PCDH15: variants seen among roughly 807,000 people sequenced by gnomAD.
The protein encoded by PCDH15 is protocadherin related 15, also known as protocadherin-15.
PCDH15 carries 129 observed loss-of-function variants against 178.5 expected under a neutral mutation model. The ratio of observed to expected loss-of-function variants is 0.72; its 90% confidence interval spans 0.63 to 0.84. PCDH15 has a LOEUF of 0.84. PCDH15 is among the 40% of genes least tolerant of loss of function. The probability of loss-of-function intolerance (pLI) is 0.00; values close to 1 mark genes in which losing one functional copy is unlikely to be tolerated. For synonymous variants in PCDH15, 800 were observed against 732.0 expected (o/e 1.09, Z -1.50); for missense variants, 2,230 against 2,099.9 (o/e 1.06, Z -1.21).
intron 2 of PCDH15, among the ~76,000 whole-genome samples, chr10:55,070,594 C>A (rs1020177764): frequency 6.6e-6 from 1 of 151,988 alleles, no homozygotes; most frequent in African/African-American, 2.4e-5. Flanking sequence ...GTTGTAGATA[C>A]GTGGCGTTAT....
intron 2 of PCDH15, among the ~76,000 whole-genome samples, chr10:55,402,860 T>C (rs1838105023): frequency 1.3e-5 from 2 of 151,976 alleles, no homozygotes; most frequent in Non-Finnish European, 2.9e-5. Context: ...TGCTGAATCA[T>C]ATGGTAGTTC....
At chr10:54,116,424 G>C (rs575071933) in intron 15 of PCDH15, among the ~76,000 whole-genome samples, 3 of 152,218 alleles carry the variant, frequency 2.0e-5, no homozygotes, top group Admixed American at 2.0e-4. Context: ...GAAGGTTTAC[G>C]GGACCAAGAG....
intron 33 of PCDH15, chr10:53,818,407 T>C (rs2076140588): frequency 6.4e-6 from 1 of 156,208 alleles, no homozygotes; most frequent in Admixed American, 6.5e-5. Flanking sequence ...ATATGCTTTA[T>C]ACATGAAGAA....
At chr10:54,462,862 C>T (rs2077283887) in intron 3 of PCDH15, among the ~76,000 whole-genome samples, 2 of 151,730 alleles carry the variant, frequency 1.3e-5, no homozygotes, top group African/African-American at 2.4e-5. Flanking sequence ...TATATATCAA[C>T]TGCTGGGTTG....
chr10:54,475,432 C>T (rs879503966), intron 3 of PCDH15, among the ~76,000 whole-genome samples: 9 of 151,738 alleles, frequency 5.9e-5, no homozygotes, highest in South Asian at 2.1e-4. Context: ...TATAAAATTC[C>T]GATTACAATT....
intron 1 of PCDH15, among the ~76,000 whole-genome samples, chr10:54,714,676 G>A (rs2132407236): frequency 6.6e-6 from 1 of 152,152 alleles, no homozygotes; most frequent in South Asian, 2.1e-4. Context: ...TGGTCTTGAG[G>A]TTTGGGAAGT....
chr10:55,263,999 G>T (rs999124821), intron 1 of PCDH15, among the ~76,000 whole-genome samples: 1 of 152,046 alleles, frequency 6.6e-6, no homozygotes, highest in African/African-American at 2.4e-5. Flanking sequence ...CTCCCAAAGT[G>T]CTGGGATTAC....
At chr10:54,624,456 C>A (rs566496594) in intron 2 of PCDH15, among the ~76,000 whole-genome samples, 1 of 152,280 alleles carries the variant, frequency 6.6e-6, no homozygotes, top group East Asian at 1.9e-4. Flanking sequence ...TTAAAAATAG[C>A]AAGACAGATC....
chr10:54,691,820 G>C (rs1433445599), intron 1 of PCDH15, among the ~76,000 whole-genome samples: 1 of 152,002 alleles, frequency 6.6e-6, no homozygotes, highest in African/African-American at 2.4e-5. Flanking sequence ...TGCTTACGGA[G>C]TTTAACACAC....
At chr10:55,534,574 T>A (rs1481304224) in intron 2 of PCDH15, among the ~76,000 whole-genome samples, 2 of 151,968 alleles carry the variant, frequency 1.3e-5, no homozygotes, top group African/African-American at 4.8e-5. Flanking sequence ...AAGAAACAGA[T>A]CCTGGCAATG....
chr10:55,276,241 A>G (rs1433591589), intron 1 of PCDH15, among the ~76,000 whole-genome samples: 1 of 150,974 alleles, frequency 6.6e-6, no homozygotes, highest in Non-Finnish European at 1.5e-5. Flanking sequence ...ATTCTCTAAT[A>G]TAATACGAAA....
chr10:54,216,708 T>C (rs4935104), intron 9 of PCDH15, among the ~76,000 whole-genome samples: 26,355 of 152,188 alleles, frequency 0.17, 3,558 homozygotes, highest in East Asian at 0.8. Context: ...AATACAAGTG[T>C]TGTAAAATTT....
intron 2 of PCDH15, among the ~76,000 whole-genome samples, chr10:55,034,576 A>C (rs1564735545): frequency 6.6e-6 from 1 of 152,158 alleles, no homozygotes; most frequent in African/African-American, 2.4e-5. Flanking sequence ...CACAAACTCA[A>C]AGTAGGCACT....
intron 2 of PCDH15, among the ~76,000 whole-genome samples, chr10:54,578,015 T>C (rs963761006): frequency 6.6e-6 from 1 of 152,210 alleles, no homozygotes; most frequent in African/African-American, 2.4e-5. Flanking sequence ...ATAACATTGA[T>C]TCATACATTG....
intron 2 of PCDH15, among the ~76,000 whole-genome samples, chr10:55,047,901 T>C (rs1467039482): frequency 6.6e-6 from 1 of 151,824 alleles, no homozygotes; most frequent in Non-Finnish European, 1.5e-5. Context: ...TGTGGACACA[T>C]TTTAATCAGT....
chr10:53,958,579 T>C (rs1401003962), intron 23 of PCDH15, among the ~76,000 whole-genome samples: 1 of 152,048 alleles, frequency 6.6e-6, no homozygotes, highest in Non-Finnish European at 1.5e-5. Flanking sequence ...GATAAGGACA[T>C]GGCAAAAAGG....
At chr10:53,830,705 G>A (rs183299865) in intron 30 of PCDH15, among the ~76,000 whole-genome samples, 1 of 152,242 alleles carries the variant, frequency 6.6e-6, no homozygotes, top group Admixed American at 6.5e-5. Context: ...GGATGCACTT[G>A]ACTGCAGGAA....
At chr10:54,247,861 C>CT (rs1256386223) in intron 8 of PCDH15, among the ~76,000 whole-genome samples, 1 of 143,098 alleles carries the variant, frequency 7.0e-6, no homozygotes, top group Non-Finnish European at 1.5e-5. Flanking sequence ...GAGCAAGACT[C>CT]TTTCTCAAAA....
intron 2 of PCDH15, among the ~76,000 whole-genome samples, chr10:55,600,793 C>T (rs972212460): frequency 2.6e-5 from 4 of 152,002 alleles, no homozygotes; most frequent in Non-Finnish European, 4.4e-5. Flanking sequence ...ATTGTAGAAC[C>T]GGTGCCCAGG....
Sources: allele counts gnomAD v4.1 joint callset (sites outside exome capture counted in the v4.1 genomes callset), GRCh38; gene constraint gnomAD v4.1.1; transcripts MANE v1.5; gene names NCBI Gene and HGNC (gene_info 2026-07-23, HGNC 2026-07-21).